CSMD1: variants seen among roughly 807,000 people sequenced by gnomAD.
CSMD1 encodes CUB and Sushi multiple domains 1, also known as CUB and sushi domain-containing protein 1.
In CSMD1, 213 loss-of-function variants were observed where a neutral mutation model predicts 417.5. The ratio of observed to expected loss-of-function variants is 0.51; its 90% CI spans 0.46 to 0.57. The LOEUF is 0.57. CSMD1 is among the 20% of genes least tolerant of loss of function. CSMD1 has a pLI of 0.00. For missense variants in CSMD1, 6,923 were observed against 4,529.7 expected, an observed-to-expected ratio of 1.53 and a Z score of -15.17; for synonymous variants, 2,862 against 1,736.8, an observed-to-expected ratio of 1.65 and a Z score of -16.11.
intron 10 of CSMD1, among the ~76,000 whole-genome samples, chr8:3,499,708 T>C (rs1796515381): frequency 6.6e-6 from 1 of 152,004 alleles, no homozygotes; most frequent in Admixed American, 6.6e-5. Context: ...TTCATGGTCT[T>C]GAGTGCTGGG....
At chr8:4,899,767 T>C (rs73505857) in intron 1 of CSMD1, among the ~76,000 whole-genome samples, 1,693 of 152,274 alleles carry the variant, frequency 0.011, 23 homozygotes, top group African/African-American at 0.038. Context: ...GAATGCACTA[T>C]AACTTCATCT....
At chr8:3,040,519 A>C (rs1274179195) in intron 50 of CSMD1, among the ~76,000 whole-genome samples, 2 of 151,322 alleles carry the variant, frequency 1.3e-5, no homozygotes, top group Non-Finnish European at 2.9e-5. Flanking sequence ...ATGATAACAA[A>C]TTGGGCCGGG....
intron 3 of CSMD1, among the ~76,000 whole-genome samples, chr8:4,351,221 C>G (rs886659513): frequency 1.3e-5 from 2 of 152,022 alleles, no homozygotes; most frequent in African/African-American, 4.8e-5. Flanking sequence ...CAAGTTTCAC[C>G]TGATACCTAA....
chr8:3,196,511 C>G (rs151197713), intron 33 of CSMD1, among the ~76,000 whole-genome samples: 2 of 152,290 alleles, frequency 1.3e-5, no homozygotes, highest in African/African-American at 4.8e-5. Context: ...GATCCGCACC[C>G]CTTTCTGGTA....
At chr8:4,077,119 G>A (rs1470292617) in intron 3 of CSMD1, among the ~76,000 whole-genome samples, 4 of 151,588 alleles carry the variant, frequency 2.6e-5, no homozygotes, top group East Asian at 3.9e-4. Flanking sequence ...TTTTAGTGAT[G>A]AGTATGATGA....
In CSMD1 at chr8:3,934,072, G is replaced by C. The variant is rs903360922; in HGVS notation, c.818+63831C>G. Among the ~76,000 whole-genome samples, 4 of 152,176 alleles carry C rather than the reference G, an allele frequency of 2.6e-5. No individual in the cohort carries two copies. The East Asian group carries it at 7.7e-4, about 29-fold the overall frequency. ...TACACTGAGTATCAGTGACACCATG[G>C]CCACTATTTCTTTTCTAAGGAATGT... On this transcript the variant is annotated intron_variant, in intron 5 of 69. Transcript: ENST00000635120.
intron 3 of CSMD1, among the ~76,000 whole-genome samples, chr8:4,235,370 TG>T (rs1440547325): frequency 1.4e-5 from 2 of 147,862 alleles, no homozygotes; most frequent in African/African-American, 4.9e-5. Context: ...GTTTTTTTTT[TG>T]TTTGTTTGTT....
intron 3 of CSMD1, among the ~76,000 whole-genome samples, chr8:4,234,366 G>T (rs1700040): frequency 6.6e-6 from 1 of 151,994 alleles, no homozygotes; most frequent in East Asian, 2.0e-4. Context: ...CTCTGCAGGA[G>T]TGGAAGATGT....
chr8:3,831,726 A>T (rs1180667616), intron 5 of CSMD1, among the ~76,000 whole-genome samples: 1 of 152,194 alleles, frequency 6.6e-6, no homozygotes, highest in Non-Finnish European at 1.5e-5. Flanking sequence ...GAAAAAGAAT[A>T]GGTTTCCAAA....
chr8:3,677,238 A>G lies in CSMD1; in HGVS notation c.1009+31176T>C, dbSNP rs1422397592. Among the ~76,000 whole-genome samples, 3 of 152,332 alleles carry G rather than the reference A, an allele frequency of 2.0e-5. No homozygotes were observed. The East Asian group carries it at 5.8e-4, about 29-fold the overall frequency. On this transcript the variant is annotated intron_variant, in intron 7 of 69. Coordinates refer to ENST00000635120, the MANE Select transcript of CSMD1 (RefSeq NM_033225.6). ...CAAGGAAAACACCGCTTAAAAGTCC[A>G]AGATTAATAGCATGCATCGAAAATT... is the stretch of plus-strand genomic sequence containing the variant.
intron 5 of CSMD1, among the ~76,000 whole-genome samples, chr8:3,834,196 A>T (rs78856801): frequency 0.045 from 6,866 of 152,140 alleles, 470 homozygotes; most frequent in African/African-American, 0.14. Flanking sequence ...CAGTTATTTT[A>T]AAATTTTTTT....
At chr8:4,704,556 G>C (rs1017613600) in intron 1 of CSMD1, among the ~76,000 whole-genome samples, 11 of 152,142 alleles carry the variant, frequency 7.2e-5, no homozygotes, top group Admixed American at 2.0e-4. Flanking sequence ...GACTGCTTTT[G>C]ATTACAGAAC....
rs1240097321 is a variant in CSMD1 at position 4,684,281 on chromosome 8, A to C, written c.86-46723T>G. Among the ~76,000 whole-genome samples the C allele has an allele frequency of 5.9e-5, 9 of 152,326 alleles. No individual in the cohort carries two copies. In the South Asian group the frequency reaches 1.9e-3, roughly 32 times the overall value. On this transcript the variant is annotated intron_variant, in intron 1 of 69. Transcript: ENST00000635120. ...AGTGTGCATTGATTTTTAATCGTGCAAAAAATAGGAGCGCAGACTTGGTAA... is the reference window on the plus strand; with the variant it reads ...AGTGTGCATTGATTTTTAATCGTGCCAAAAATAGGAGCGCAGACTTGGTAA...
chr8:3,556,698 A>C (rs1257576206), intron 10 of CSMD1, among the ~76,000 whole-genome samples: 2 of 151,908 alleles, frequency 1.3e-5, no homozygotes, highest in Non-Finnish European at 2.9e-5. Flanking sequence ...AGCACCTTTA[A>C]ATGAAAAGTA....
intron 33 of CSMD1, among the ~76,000 whole-genome samples, chr8:3,197,554 C>T (rs1420404547): frequency 4.0e-5 from 6 of 151,730 alleles, no homozygotes; most frequent in African/African-American, 7.3e-5. Context: ...CAAGCTCCGC[C>T]TCCCGGGTTC....
intron 6 of CSMD1, among the ~76,000 whole-genome samples, chr8:3,729,954 A>G (rs1802737849): frequency 4.0e-4 from 5 of 12,460 alleles, no homozygotes; most frequent in Admixed American, 1.5e-3. Flanking sequence ...AAAAAAAAAA[A>G]AAAAAAACAA....
intron 3 of CSMD1, among the ~76,000 whole-genome samples, chr8:4,065,219 C>T (rs1585237259): frequency 6.6e-6 from 1 of 152,096 alleles, no homozygotes; most frequent in Admixed American, 6.5e-5. Flanking sequence ...AGAAAATAGT[C>T]CTAAACACAT....
At chr8:3,703,552 G>A (rs531093808) in intron 7 of CSMD1, among the ~76,000 whole-genome samples, 3 of 152,068 alleles carry the variant, frequency 2.0e-5, no homozygotes, top group Non-Finnish European at 2.9e-5. Flanking sequence ...GTGATCTGTG[G>A]GTCATGGATG....
chr8:3,243,180 A>G (rs1005810784), intron 26 of CSMD1, among the ~76,000 whole-genome samples: 2 of 152,146 alleles, frequency 1.3e-5, no homozygotes, highest in African/African-American at 4.8e-5. Context: ...TACCCGATTT[A>G]AAATTGGTGA....
Sources: gnomAD v4.1 joint callset for allele counts (sites outside exome capture counted in the v4.1 genomes callset) on GRCh38, gnomAD v4.1.1 for gene constraint, MANE v1.5 for transcripts, NCBI Gene and HGNC (gene_info 2026-07-23, HGNC 2026-07-21) for gene names.